The following SEC24C variants were observed in gnomAD, a reference collection of about 807,000 sequenced individuals.
The protein encoded by SEC24C is protein transport protein Sec24C.
SEC24C carries 22 observed loss-of-function variants against 117.0 expected under a neutral mutation model. That is an observed-to-expected ratio of 0.19 (90% CI 0.13 to 0.27). The LOEUF is 0.27. SEC24C is among the 10% of genes least tolerant of loss of function. The pLI, the probability that SEC24C is intolerant of heterozygous loss-of-function variation, is 1.00. For synonymous variants in SEC24C, 506 were observed against 529.4 expected, an observed-to-expected ratio of 0.96 and a Z score of 0.61; for missense variants, 1,155 against 1,375.1, an observed-to-expected ratio of 0.84 and a Z score of 2.53.
At chr10:73,751,813 T>C (rs1437878085) in intron 3 of SEC24C, 1 of 152,266 alleles carries the variant, frequency 6.6e-6, no homozygotes, top group Non-Finnish European at 1.5e-5. Context: ...AACTTGAGTT[T>C]CTTGCTTTAC....
intron 3 of SEC24C, among the ~76,000 whole-genome samples, chr10:73,758,334 G>A (rs1007917271): frequency 2.6e-5 from 4 of 152,168 alleles, no homozygotes; most frequent in African/African-American, 7.2e-5. Flanking sequence ...GGGGCTGTGA[G>A]GTAATTTGGT....
intron 1 of SEC24C, among the ~76,000 whole-genome samples, chr10:73,746,026 G>A (rs919690862): frequency 6.6e-6 from 1 of 151,620 alleles, no homozygotes; most frequent in Non-Finnish European, 1.5e-5. Context: ...TGGGTGTGGT[G>A]GCACGCGCCT....
intron 3 of SEC24C, among the ~76,000 whole-genome samples, chr10:73,755,699 A>G (rs1462282874): frequency 6.6e-6 from 1 of 151,966 alleles, no homozygotes; most frequent in Admixed American, 6.6e-5. Flanking sequence ...AAAAGTTTCA[A>G]CCGGGTGGTA....
Position 73,771,503 on chromosome 10 carries a change from C to T in SEC24C, c.*408C>T, listed in dbSNP as rs1229536621. On this transcript the variant is annotated 3_prime_UTR_variant, in exon 23 of 23. Transcript: ENST00000345254. ...TTACTACAGGGGGCTCAGTGTCATC[C>T]ACAACTTCCTATATTAGGGATAAAA... is the stretch of plus-strand genomic sequence containing the variant. 1.7e-5 allele frequency: 3 copies of T among 180,606 alleles called. No individual in the cohort carries two copies. The highest frequency in any genetic ancestry group is 1.1e-4 in the Admixed American group (2 of 18,190). 11.2% of individuals were successfully genotyped at this position (180,606 alleles called of 1,614,324 possible).
At chr10:73,760,489 G>T (rs1189022352) in intron 5 of SEC24C, 103 bp downstream of exon 5, 130 of 1,394,670 alleles carry the variant, frequency 9.3e-5, no homozygotes, top group Non-Finnish European at 1.2e-4. Flanking sequence ...TTGCTAAGTG[G>T]TGAATTAGAT....
At chr10:73,757,114 A>C (rs942840332) in intron 3 of SEC24C, among the ~76,000 whole-genome samples, 2 of 147,348 alleles carry the variant, frequency 1.4e-5, no homozygotes, top group African/African-American at 5.0e-5. Flanking sequence ...GAGTTTCACC[A>C]TGTTGGTCAG....
At chr10:73,755,631 C>A (rs2082698854) in intron 3 of SEC24C, among the ~76,000 whole-genome samples, 2 of 151,564 alleles carry the variant, frequency 1.3e-5, no homozygotes, top group Admixed American at 6.6e-5. Context: ...GAGCCGAGAT[C>A]TTGCCACTGC....
chr10:73,748,179 A>G (rs1480148303), intron 2 of SEC24C, among the ~76,000 whole-genome samples: 1 of 151,982 alleles, frequency 6.6e-6, no homozygotes, highest in Non-Finnish European at 1.5e-5. Context: ...TCTGTTGCCC[A>G]GGCTGGAGTG....
At position 73,771,223 on chromosome 10, in the gene SEC24C, T is replaced by G; in HGVS notation, c.*128T>G. On this transcript the variant is annotated 3_prime_UTR_variant, in exon 23 of 23. Transcript: ENST00000345254. ...GTCTCTCTGGGGGGAGGGGGAGATA[T>G]AAGGAGACACCTTCTTTCTGGGCTC... 1 of 1,077,430 alleles carries G rather than the reference T, an allele frequency of 9.3e-7. No individual in the cohort carries two copies. Among genetic ancestry groups the G allele is most frequent in the Admixed American group, 2.5e-5 (1 of 39,594 alleles). The allele number at this position is 1,077,430 out of a possible 1,614,324, so 66.7% of individuals were successfully genotyped here.
At chr10:73,747,679 G>C (rs529834236) in intron 2 of SEC24C, among the ~76,000 whole-genome samples, 2 of 122,040 alleles carry the variant, frequency 1.6e-5, no homozygotes, top group African/African-American at 6.1e-5. Context: ...TTTTTTTTGA[G>C]ACAGAGTTTT....
chr10:73,768,026 G>T lies in SEC24C; in HGVS notation c.2181+19G>T. The stretch of plus-strand genomic sequence containing the variant: ...CTTTCAGGTATGGTGTGGGATTTGG[G>T]GCAGCAGGTGGCAGCAGGGCTGGGA... On this transcript the variant is annotated intron_variant, in intron 15 of 22. Coordinates refer to ENST00000345254, the MANE Select transcript of SEC24C (RefSeq NM_198597.3). 6.3e-7 allele frequency: 1 copy of T among 1,599,234 alleles called. No homozygotes were observed. Among genetic ancestry groups the T allele is most frequent in the Non-Finnish European group, 8.5e-7 (1 of 1,172,162 alleles).
chr10:73,745,987 C>T (rs2082543176), intron 1 of SEC24C, among the ~76,000 whole-genome samples: 1 of 151,586 alleles, frequency 6.6e-6, no homozygotes, highest in Non-Finnish European at 1.5e-5. Context: ...GGGTGAAAAC[C>T]TGTCTCTACT....
intron 3 of SEC24C, among the ~76,000 whole-genome samples, chr10:73,759,123 A>G (rs531407256): frequency 4.6e-5 from 7 of 152,172 alleles, no homozygotes; most frequent in African/African-American, 1.4e-4. Context: ...CTGAGCCTGG[A>G]AAGTTGAGGC....
chr10:73,746,171 A>C (rs940923023), intron 1 of SEC24C, among the ~76,000 whole-genome samples: 1,921 of 151,922 alleles, frequency 0.013, 29 homozygotes, highest in Non-Finnish European at 0.018. Context: ...AAAAAAAAAA[A>C]AAAAAAAAAA....
At position 73,745,215 on chromosome 10, in the gene SEC24C, GT is replaced by G. The variant is rs142995125; in HGVS notation, c.-29+779del. Among the ~76,000 whole-genome samples the G allele has an allele frequency of 9.9e-3, 1,514 of 152,258 alleles. 17 individuals are homozygous for G. The highest frequency in any genetic ancestry group is 0.034 in the African/African-American group (1,425 of 41,550). On this transcript the variant is annotated intron_variant, in intron 1 of 22. Transcript: ENST00000345254. ...AATGATACAGCTGTTGAAAGTAGAT[GT>G]GATGAGATAGTTTTCTTGGAAGGAC... is the stretch of plus-strand genomic sequence containing the variant.
At position 73,760,032 on chromosome 10, in the gene SEC24C, C is replaced by G. The variant is rs752063868; in HGVS notation, c.496C>G (p.Leu166Val). 1.9e-6 allele frequency: 3 copies of G among 1,581,026 alleles called. No homozygotes were observed. Among genetic ancestry groups the G allele is most frequent in the Non-Finnish European group, 2.6e-6 (3 of 1,160,066 alleles). ...CTACTTCTCAGGCCCACCAACATCG[C>G]TGGCTTCAGCCTCAGGAAGTTTCCC... ...SGLGFGPPTS[L>V]ASASGSFPNS... The change falls in exon 5 of 23, where the codon CTG (leucine) becomes GTG (valine). Residue 166 changes from leucine (L) to valine (V), a missense_variant. Coordinates refer to ENST00000345254, the MANE Select transcript of SEC24C (RefSeq NM_198597.3).
intron 7 of SEC24C, 65 bp downstream of exon 7, chr10:73,763,666 G>GATTTTTTTT: frequency 4.7e-6 from 1 of 212,428 alleles, no homozygotes; most frequent in Non-Finnish European, 8.4e-6. Flanking sequence ...TATGGTTGGG[G>GATTTTTTTT]CTTTTTTTTT....
rs990883165 is a variant in SEC24C at position 73,763,551 on chromosome 10, G to A, written c.1049G>A (p.Arg350Gln). 19 of 1,613,776 alleles carry A rather than the reference G, an allele frequency of 1.2e-5. No individual in the cohort carries two copies. The highest frequency in any genetic ancestry group is 1.4e-5 in the Non-Finnish European group (17 of 1,179,874). ...RGTEPFVTGV[R>Q]GQVPPLVTTN... The stretch of plus-strand genomic sequence containing the variant: ...ACAGAGCCATTTGTTACTGGAGTAC[G>A]GGGCCAGGTGCCACCCTTAGTCACT... The change falls in exon 7 of 23, where the codon CGG (arginine) becomes CAG (glutamine). Residue 350 changes from arginine to glutamine, a missense_variant. By Grantham distance (43) the Arg-to-Gln change is conservative. Coordinates refer to ENST00000345254, the MANE Select transcript of SEC24C (RefSeq NM_198597.3).
chr10:73,767,251 G>C lies in SEC24C; in HGVS notation c.2010+81G>C, dbSNP rs980190567. Reference sequence around the variant, plus strand: ...GACTCTACTTTCTTGATGGTGGCTAGGACCAGACACTCCACCCTTTCAAAT... The same window carrying C: ...GACTCTACTTTCTTGATGGTGGCTACGACCAGACACTCCACCCTTTCAAAT... On this transcript the variant is annotated intron_variant, in intron 14 of 22. Coordinates refer to ENST00000345254, the MANE Select transcript of SEC24C (RefSeq NM_198597.3). 5.7e-6 allele frequency: 5 copies of C among 878,942 alleles called. No homozygotes were observed. The Admixed American group carries it at 9.5e-5, about 17-fold the overall frequency. The allele number at this position is 878,942 out of a possible 1,614,324, so 54.4% of individuals were successfully genotyped here. A position where few individuals can be genotyped will look rare whatever the true frequency, so the allele number is the denominator to read the frequency against.
Sources: allele counts gnomAD v4.1 joint callset (sites outside exome capture counted in the v4.1 genomes callset), GRCh38; gene constraint gnomAD v4.1.1; transcripts MANE v1.5; gene names NCBI Gene and HGNC (gene_info 2026-07-23, HGNC 2026-07-21).